RAB9B: variants seen among roughly 807,000 people sequenced by gnomAD.
The protein encoded by RAB9B is RAB9B, member RAS oncogene family, also known as ras-related protein Rab-9B.
Under a neutral mutation model 8.9 loss-of-function variants are expected in RAB9B, and 1 was observed. The ratio of observed to expected loss-of-function variants is 0.11; its 90% CI spans 0.04 to 0.53. RAB9B has a LOEUF of 0.53. RAB9B is among the 20% of genes least tolerant of loss of function. The probability of loss-of-function intolerance (pLI) is 0.93; values close to 1 mark genes in which losing one functional copy is unlikely to be tolerated. For missense variants in RAB9B, 82 were observed against 152.9 expected, an observed-to-expected ratio of 0.54 and a Z score of 2.45; for synonymous variants, 63 against 57.0, an observed-to-expected ratio of 1.10 and a Z score of -0.47.
At chrX:103,830,363 G>T (rs1245965138) in intron 1 of RAB9B, among the ~76,000 whole-genome samples, 1 of 111,446 alleles carries the variant, frequency 9.0e-6, no homozygotes, top group Admixed American at 9.5e-5. Context: ...TTTAAACAAG[G>T]TAACATTAAG....
intron 1 of RAB9B, among the ~76,000 whole-genome samples, chrX:103,830,407 G>A (rs986966951): frequency 9.0e-6 from 1 of 111,666 alleles, no homozygotes. Flanking sequence ...CACTAAATAC[G>A]TAAATAGGAA....
At chrX:103,820,975 C>CACACAT (rs1251660267), downstream of RAB9B, among the ~76,000 whole-genome samples, 5 of 45,831 alleles carry the variant, frequency 1.1e-4, no homozygotes, top group Non-Finnish European at 2.0e-4. Context: ...CACACACACA[C>CACACAT]ACACACATAC....
At chrX:103,796,062 T>C in the RAB9B span, among the ~76,000 whole-genome samples, 2 of 112,445 alleles carry the variant, frequency 1.8e-5, no homozygotes, top group East Asian at 5.5e-4. Flanking sequence ...TGCACATGTG[T>C]TGTTGTTTGT....
rs1401275987 is a variant in RAB9B, at chrX:103,823,837, A to G, written c.*1342T>C. 8.9e-6 allele frequency: 1 copy of G among 112,405 alleles called. No individual in the cohort carries two copies. Among genetic ancestry groups the G allele is most frequent in the Non-Finnish European group, 1.9e-5 (1 of 53,279 alleles). 9.3% of individuals were successfully genotyped at this position (112,405 alleles called of 1,213,427 possible). The stretch of plus-strand genomic sequence containing the variant: ...AAGGAAGAGCTATGTAGTTGCTGTT[A>G]AAGATTGATCACAGAATGGTTTGAG... On this transcript the variant is annotated 3_prime_UTR_variant, in exon 3 of 3. Transcript: ENST00000243298.
chrX:103,796,847 C>CAAA, the RAB9B span, among the ~76,000 whole-genome samples: 206 of 12,101 alleles, frequency 0.017, 28 homozygotes, highest in Non-Finnish European at 0.026. Context: ...ACCGCCTCTA[C>CAAA]AAAAAAAAAA....
the RAB9B span, chrX:103,788,307 C>T: frequency 4.7e-4 from 273 of 584,885 alleles, 3 homozygotes; most frequent in South Asian, 5.8e-3. Flanking sequence ...AAAGAGGATC[C>T]TGATTGTTGG....
chrX:103,792,910 C>A, the RAB9B span, among the ~76,000 whole-genome samples: 1 of 112,249 alleles, frequency 8.9e-6, no homozygotes, highest in African/African-American at 3.2e-5. Context: ...CTTTTCTCTT[C>A]GAAGTTGGGT....
the RAB9B span, among the ~76,000 whole-genome samples, chrX:103,777,382 A>C: frequency 9.0e-6 from 1 of 111,676 alleles, no homozygotes; most frequent in African/African-American, 3.3e-5. Context: ...AGCACTGTCT[A>C]GCCCTCAGAT....
chrX:103,824,909 G>A lies in RAB9B; in HGVS notation c.*270C>T, dbSNP rs774102758. The A allele has an allele frequency of 7.9e-4, 169 of 214,270 alleles. 1 individual carries two copies. Among genetic ancestry groups the A allele is most frequent in the Non-Finnish European group, 1.3e-3 (155 of 120,024 alleles). The allele number at this position is 214,270 out of a possible 1,213,427, so 17.7% of individuals were successfully genotyped here. ...TTTAAAAAATATTTAACTGTCTCAGGACTAAAATTTTCTGATATGTCCTGA... is the reference window on the plus strand; with the variant it reads ...TTTAAAAAATATTTAACTGTCTCAGAACTAAAATTTTCTGATATGTCCTGA... On this transcript the variant is annotated 3_prime_UTR_variant, in exon 3 of 3. Coordinates refer to ENST00000243298, the MANE Select transcript of RAB9B (RefSeq NM_016370.4).
At chrX:103,793,987 C>T in the RAB9B span, among the ~76,000 whole-genome samples, 2 of 112,183 alleles carry the variant, frequency 1.8e-5, no homozygotes, top group African/African-American at 6.5e-5. Flanking sequence ...TTTGTTCATT[C>T]CTTAATTCGT....
the RAB9B span, among the ~76,000 whole-genome samples, chrX:103,797,275 A>G: frequency 9.1e-6 from 1 of 109,642 alleles, no homozygotes; most frequent in African/African-American, 3.3e-5. Flanking sequence ...AATTTTTTGT[A>G]GAGACGTGGT....
the RAB9B span, among the ~76,000 whole-genome samples, chrX:103,780,627 C>A: frequency 9.0e-6 from 1 of 111,438 alleles, no homozygotes; most frequent in African/African-American, 3.3e-5. Flanking sequence ...TCCCAGGCCC[C>A]AGAGACTTCG....
chrX:103,776,481 ACT>A, the RAB9B span: 1 of 111,978 alleles, frequency 8.9e-6, no homozygotes, highest in African/African-American at 3.3e-5. Flanking sequence ...TAGGTTTTTG[ACT>A]CTGAGCCCCT....
the RAB9B span, among the ~76,000 whole-genome samples, chrX:103,777,278 C>T: frequency 9.0e-6 from 1 of 111,283 alleles, no homozygotes; most frequent in Non-Finnish European, 1.9e-5. Context: ...TCCTCCTACC[C>T]CCTCACTTCC....
At chrX:103,788,615 T>C in the RAB9B span, 4 of 685,543 alleles carry the variant, frequency 5.8e-6, no homozygotes, top group Middle Eastern at 1.2e-3. Flanking sequence ...TTGCTGGATT[T>C]TGAATTAGCC....
the RAB9B span, among the ~76,000 whole-genome samples, chrX:103,805,323 A>G: frequency 9.0e-6 from 1 of 111,594 alleles, no homozygotes; most frequent in African/African-American, 3.3e-5. Context: ...CCAGGTTTGC[A>G]TTTCTGGGAT....
the RAB9B span, among the ~76,000 whole-genome samples, chrX:103,809,301 C>G: frequency 8.0e-4 from 89 of 111,741 alleles, no homozygotes; most frequent in African/African-American, 2.8e-3. Context: ...AGATAAATTT[C>G]TTTCTTTCTT....
chrX:103,817,136 A>T, the RAB9B span, among the ~76,000 whole-genome samples: 2,030 of 110,788 alleles, frequency 0.018, 32 homozygotes, highest in African/African-American at 0.056. Context: ...TACACGTATG[A>T]TTATTGTGGC....
the RAB9B span, among the ~76,000 whole-genome samples, chrX:103,794,648 G>C: frequency 8.9e-6 from 1 of 112,122 alleles, no homozygotes; most frequent in Admixed American, 9.5e-5. Flanking sequence ...TGTGAACACA[G>C]GTAGTGTGGC....
Sources: allele counts gnomAD v4.1 joint callset (sites outside exome capture counted in the v4.1 genomes callset), GRCh38; gene constraint gnomAD v4.1.1; transcripts MANE v1.5; gene names NCBI Gene and HGNC (gene_info 2026-07-23, HGNC 2026-07-21).